Variants in RPA1 observed in about 807,000 individuals in gnomAD.
RPA1 encodes replication protein A 70 kDa DNA-binding subunit.
RPA1 carries 49 observed loss-of-function variants against 83.0 expected under a neutral mutation model. The ratio of observed to expected loss-of-function variants is 0.59; its 90% CI spans 0.47 to 0.75. The LOEUF is 0.75. Among genes scored for constraint, RPA1 ranks in the 30% least tolerant of loss-of-function variants. RPA1 has a pLI of 0.00. For synonymous variants in RPA1, 279 were observed against 281.8 expected, an observed-to-expected ratio of 0.99 and a Z score of 0.10; for missense variants, 693 against 776.1, an observed-to-expected ratio of 0.89 and a Z score of 1.27.
At chr17:1,882,136 T>C (rs968878968) in intron 12 of RPA1, among the ~76,000 whole-genome samples, 3 of 152,158 alleles carry the variant, frequency 2.0e-5, no homozygotes, top group Admixed American at 6.6e-5. Flanking sequence ...GTATTTGGCC[T>C]TTCATCTCCG....
intron 8 of RPA1, among the ~76,000 whole-genome samples, chr17:1,877,557 T>G (rs1913619263): frequency 6.6e-6 from 1 of 152,224 alleles, no homozygotes; most frequent in African/African-American, 2.4e-5. Context: ...TGATGCTGTC[T>G]GGAGTAGAGG....
Position 1,899,242 on chromosome 17 carries a change from C to G in RPA1, c.*2067C>G, listed in dbSNP as rs1444309943. The G allele has an allele frequency of 6.5e-6, 1 of 152,746 alleles. No individual in the cohort carries two copies. Among genetic ancestry groups the G allele is most frequent in the African/African-American group, 2.4e-5 (1 of 41,400 alleles). The allele number at this position is 152,746 out of a possible 1,614,324, so 9.5% of individuals were successfully genotyped here. A position where few individuals can be genotyped will look rare whatever the true frequency, so the allele number is the denominator to read the frequency against. ...ATCAGAAACTGGCTCCACTGTTGGGCTTTTCAGAGATTTTGGTCCCTGCGG... is the reference window on the plus strand; with the variant it reads ...ATCAGAAACTGGCTCCACTGTTGGGGTTTTCAGAGATTTTGGTCCCTGCGG... On this transcript the variant is annotated 3_prime_UTR_variant, in exon 17 of 17. Transcript: ENST00000254719.
intron 4 of RPA1, among the ~76,000 whole-genome samples, chr17:1,849,147 T>A (rs1421048542): frequency 6.6e-6 from 1 of 152,184 alleles, no homozygotes; most frequent in Admixed American, 6.6e-5. Flanking sequence ...CAACAGCGCG[T>A]GAGTGTGGAG....
At position 1,841,852 on chromosome 17, in the gene RPA1, G is replaced by A. The variant is rs17291780; in HGVS notation, c.34-951G>A. Among the ~76,000 whole-genome samples, 207 of 152,076 alleles carry A rather than the reference G, an allele frequency of 1.4e-3. 1 individual carries two copies. The highest frequency in any genetic ancestry group is 4.6e-3 in the African/African-American group (190 of 41,468). ...ATAATGAGTAAGTGTTGCCTTTTCC[G>A]TATCTATTCAGTTGATGATGATTTT... On this transcript the variant is annotated intron_variant, in intron 1 of 16. Coordinates refer to ENST00000254719, the MANE Select transcript of RPA1 (RefSeq NM_002945.5).
At chr17:1,864,846 G>T (rs988403471) in intron 5 of RPA1, among the ~76,000 whole-genome samples, 1 of 152,210 alleles carries the variant, frequency 6.6e-6, no homozygotes, top group South Asian at 2.1e-4. Context: ...GTTGCAGTGA[G>T]CCGAGATTGT....
chr17:1,837,842 A>T (rs1420766052), intron 1 of RPA1, among the ~76,000 whole-genome samples: 1 of 152,034 alleles, frequency 6.6e-6, no homozygotes, highest in Non-Finnish European at 1.5e-5. Flanking sequence ...AATATTACAT[A>T]TATTTTTTCC....
intron 1 of RPA1, among the ~76,000 whole-genome samples, chr17:1,839,760 G>A (rs1017261921): frequency 2.7e-5 from 4 of 147,118 alleles, no homozygotes; most frequent in Non-Finnish European, 6.0e-5. Context: ...CTCACCCTCT[G>A]AGTAGCTGGG....
At position 1,896,380 on chromosome 17, in the gene RPA1, G is replaced by A. The variant is rs545162196; in HGVS notation, c.1747-691G>A. On this transcript the variant is annotated intron_variant, in intron 16 of 16. Transcript: ENST00000254719. ...ATTCAGGCCGTGAGTGTAAACGTAC[G>A]AGTGGGCAGGGGGAGTGGTAGAAAC... Among the ~76,000 whole-genome samples the A allele has an allele frequency of 1.3e-4, 20 of 152,356 alleles. 2 individuals carry two copies. In the Middle Eastern group the frequency reaches 0.027, roughly 207 times the overall value.
In RPA1 at chr17:1,897,145, C is replaced by G. The variant is rs767992610; in HGVS notation, c.1821C>G (p.Val607=). 2.6e-6 allele frequency: 4 copies of G among 1,561,736 alleles called. No homozygotes were observed. In the African/African-American group the frequency reaches 5.4e-5, roughly 21 times the overall value. ...VDYREYGRRL[V]MSIRRSALM is the part of the protein sequence containing the mutation. Reference sequence around the variant, plus strand: ...ACAGAGAGTATGGCCGAAGGCTGGTCATGAGCATCAGGAGAAGTGCATTGA... The same window carrying G: ...ACAGAGAGTATGGCCGAAGGCTGGTGATGAGCATCAGGAGAAGTGCATTGA... The change falls in exon 17 of 17, where the codon GTC becomes GTG. Residue 607 remains valine, a synonymous_variant. Transcript: ENST00000254719.
intron 9 of RPA1, 57 bp from the exon 10 acceptor site, chr17:1,879,158 G>C: frequency 6.2e-7 from 1 of 1,609,270 alleles, no homozygotes; most frequent in South Asian, 1.1e-5. Flanking sequence ...GGCAGACTAG[G>C]GGTTTCTGTC....
intron 5 of RPA1, chr17:1,871,992 A>G (rs1913391963): frequency 5.8e-6 from 1 of 173,008 alleles, no homozygotes; most frequent in Non-Finnish European, 1.3e-5. Context: ...CTTCAGAGAC[A>G]ACTGAACTGC....
At chr17:1,842,634 T>C (rs1001427202) in intron 1 of RPA1, among the ~76,000 whole-genome samples, 169 bp from the exon 2 acceptor site, 1 of 152,164 alleles carries the variant, frequency 6.6e-6, no homozygotes, top group Non-Finnish European at 1.5e-5. Flanking sequence ...CTCCCTCTTA[T>C]CATTTTATGA....
At chr17:1,864,690 G>A (rs1401404912) in intron 5 of RPA1, among the ~76,000 whole-genome samples, 12 of 150,506 alleles carry the variant, frequency 8.0e-5, no homozygotes, top group Non-Finnish European at 1.6e-4. Context: ...CCTGAGGTCA[G>A]GAGTTCAAGA....
intron 13 of RPA1, among the ~76,000 whole-genome samples, chr17:1,887,935 A>T (rs1208543246): frequency 6.6e-6 from 1 of 152,156 alleles, no homozygotes; most frequent in Non-Finnish European, 1.5e-5. Flanking sequence ...TCTTGCAAGA[A>T]TTACTGTCTT....
At chr17:1,883,382 T>G (rs1001092879) in intron 12 of RPA1, among the ~76,000 whole-genome samples, 1 of 152,004 alleles carries the variant, frequency 6.6e-6, no homozygotes, top group East Asian at 1.9e-4. Context: ...AGGATAGTCT[T>G]GATCTCTTGA....
intron 5 of RPA1, among the ~76,000 whole-genome samples, chr17:1,859,324 A>G (rs555242410): frequency 1.3e-5 from 2 of 152,222 alleles, no homozygotes; most frequent in African/African-American, 4.8e-5. Flanking sequence ...GAGTCGGTAA[A>G]TTGTGTTATT....
chr17:1,875,831 T>C (rs753625984), intron 7 of RPA1, 38 bp downstream of exon 7: 38 of 1,577,816 alleles, frequency 2.4e-5, no homozygotes, highest in Non-Finnish European at 3.1e-5. Context: ...AGTGTACTTA[T>C]GAAATCGGAG....
chr17:1,875,212 C>T (rs1002872523), intron 6 of RPA1, among the ~76,000 whole-genome samples: 1 of 152,190 alleles, frequency 6.6e-6, no homozygotes, highest in Admixed American at 6.5e-5. Flanking sequence ...GATTTGGAGG[C>T]GATCTATTTG....
At position 1,884,257 on chromosome 17, in the gene RPA1, G is replaced by A. The variant is rs1198004256; in HGVS notation, c.1374+313G>A. On this transcript the variant is annotated intron_variant, in intron 13 of 16. Transcript: ENST00000254719. This position sits in a 1 kb window ranked among gnomAD's most constrained non-coding sequence, Gnocchi z 4.1. ...TAATATCACCTGCTTTCGGGTCCACGTTTCTTTCCTGTGATCCTTCCTGCA... is the reference window on the plus strand; with the variant it reads ...TAATATCACCTGCTTTCGGGTCCACATTTCTTTCCTGTGATCCTTCCTGCA... Among the ~76,000 whole-genome samples the A allele has an allele frequency of 1.3e-5, 2 of 152,152 alleles. No individual in the cohort carries two copies. Among genetic ancestry groups the A allele is most frequent in the Non-Finnish European group, 1.5e-5 (1 of 68,018 alleles).
Sources: gnomAD v4.1 joint callset for allele counts (sites outside exome capture counted in the v4.1 genomes callset) on GRCh38, gnomAD v4.1.1 for gene constraint, Gnocchi (gnomAD v3.1) non-coding constraint, MANE v1.5 for transcripts, NCBI Gene and HGNC (gene_info 2026-07-23, HGNC 2026-07-21) for gene names.